Variants in DEF8 observed in about 807,000 individuals in gnomAD.
DEF8 encodes the protein differentially expressed in FDCP 8 homolog.
DEF8 carries 38 observed loss-of-function variants against 59.1 expected under a neutral mutation model. That is an observed-to-expected ratio of 0.64 (90% CI 0.50 to 0.84). DEF8 has a LOEUF of 0.84. Ranked by LOEUF, DEF8 falls within the 40% of genes least tolerant of loss-of-function variation. DEF8 has a pLI of 0.00. For synonymous variants in DEF8, 265 were observed against 250.1 expected (o/e 1.06, Z -0.56); for missense variants, 557 against 615.2 (o/e 0.91, Z 1.00).
intron 10 of DEF8, chr16:89,963,904 C>T (rs1284775822): frequency 2.7e-5 from 15 of 556,832 alleles, no homozygotes; most frequent in East Asian, 1.6e-4. Flanking sequence ...ATGTGGGAAG[C>T]GTGGGGAGTG....
intron 2 of DEF8, chr16:89,950,278 G>T: frequency 1.0e-6 from 1 of 985,512 alleles, no homozygotes; most frequent in Non-Finnish European, 1.2e-6. Context: ...TGGGCTCCTG[G>T]CTTCACTGAC....
Position 89,955,262 on chromosome 16 carries a change from C to CTG in DEF8, c.221_222dup (p.Gly75TrpfsTer22), listed in dbSNP as rs1567790064. ...CTGTCTGAGGACCACTTCTCCCGCC[C>CTG]TGTGGTAAGGTTTTAGATCTCGGAG... On this transcript the variant is annotated frameshift_variant, in exon 4 of 13. Coordinates refer to ENST00000563594, the MANE Select transcript of DEF8 (RefSeq NM_001242818.2). LOFTEE classifies it high-confidence loss of function. 1 of 1,613,508 alleles carries CTG rather than the reference C, an allele frequency of 6.2e-7. No individual in the cohort carries two copies.
intron 9 of DEF8, 75 bp downstream of exon 9, chr16:89,962,200 T>C: frequency 7.5e-7 from 1 of 1,330,438 alleles, no homozygotes; most frequent in East Asian, 2.5e-5. Context: ...CAGTACCCTC[T>C]TCTCCTCTGG....
At chr16:89,958,674 G>T (rs2033604250) in intron 5 of DEF8, 1 of 343,074 alleles carries the variant, frequency 2.9e-6, no homozygotes, top group African/African-American at 2.1e-5. Flanking sequence ...CTTTTCCATT[G>T]CCCTGCACCT....
At chr16:89,963,212 T>A (rs910333160) in intron 9 of DEF8, 151 bp from the exon 10 acceptor site, 34 of 589,646 alleles carry the variant, frequency 5.8e-5, no homozygotes, top group Non-Finnish European at 8.5e-5. Flanking sequence ...CTGGGAGCTG[T>A]GATTTTGGGT....
At chr16:89,959,501 G>T (rs867795464) in intron 6 of DEF8, 20 of 534,944 alleles carry the variant, frequency 3.7e-5, no homozygotes, top group African/African-American at 2.1e-4. Flanking sequence ...TTTTTGGTTT[G>T]GTTTTGTTTT....
At chr16:89,961,917 G>T in intron 8 of DEF8, 53 bp downstream of exon 8, 1 of 1,600,008 alleles carries the variant, frequency 6.2e-7, no homozygotes, top group Non-Finnish European at 8.5e-7. Flanking sequence ...CAGGAAGGGG[G>T]TTGGGGTGTG....
intron 12 of DEF8, among the ~76,000 whole-genome samples, chr16:89,965,163 C>T (rs1485425307): frequency 6.6e-6 from 1 of 152,002 alleles, no homozygotes; most frequent in African/African-American, 2.4e-5. Flanking sequence ...AAATAATGTA[C>T]ACAAATTAGA....
chr16:89,964,088 C>T (rs1276140097), intron 10 of DEF8, 82 bp from the exon 11 acceptor site: 14 of 1,576,132 alleles, frequency 8.9e-6, no homozygotes, highest in Non-Finnish European at 1.2e-5. Flanking sequence ...GCACCTGGGC[C>T]CTGACCACTG....
rs760345999 is a variant in DEF8 at position 89,955,190 on chromosome 16, C to G, written c.146C>G (p.Pro49Arg). ...TPEEALPELP[P>R]GEPEFRCPER... ...CCAGAGGCCCTGCCTGAGCTGCCCC[C>G]TGGGGAGCCGGAATTCCGCTGCCCT... Residue 49 changes from proline to arginine, a missense_variant, in exon 4 of 13, where the codon CCT becomes CGT. Physicochemically the swap from Pro to Arg is moderately radical, Grantham distance 103 (BLOSUM62 -2). Transcript: ENST00000563594. The G allele has an allele frequency of 1.9e-6, 3 of 1,613,562 alleles. No individual in the cohort carries two copies. Among genetic ancestry groups the G allele is most frequent in the South Asian group, 2.2e-5 (2 of 91,082 alleles).
chr16:89,950,130 G>C (rs529892970), intron 2 of DEF8: 1 of 987,764 alleles, frequency 1.0e-6, no homozygotes, highest in Non-Finnish European at 1.2e-6. Flanking sequence ...CCCTGCCAGC[G>C]TGCCTTCCTT....
At chr16:89,963,704 C>T (rs2034321121) in intron 10 of DEF8, 1 of 537,610 alleles carries the variant, frequency 1.9e-6, no homozygotes, top group South Asian at 2.3e-5. Context: ...GCAGGTTGAC[C>T]ACAAAACACA....
At chr16:89,957,463 G>A in intron 4 of DEF8, 48 bp from the exon 5 acceptor site, 1 of 1,538,324 alleles carries the variant, frequency 6.5e-7, no homozygotes, top group Non-Finnish European at 8.8e-7. Flanking sequence ...TTAACAGGGA[G>A]CTCCTGCAGG....
chr16:89,951,774 A>G (rs1026592241), intron 2 of DEF8, among the ~76,000 whole-genome samples: 1 of 152,112 alleles, frequency 6.6e-6, no homozygotes, highest in Non-Finnish European at 1.5e-5. Flanking sequence ...GGCAGCCCCT[A>G]CCTTTAAGGA....
intron 4 of DEF8, among the ~76,000 whole-genome samples, chr16:89,957,064 A>G (rs2033325378): frequency 6.6e-6 from 1 of 152,182 alleles, no homozygotes; most frequent in Non-Finnish European, 1.5e-5. Context: ...GGCGAAAGCA[A>G]CCAGAAGTGC....
intron 6 of DEF8, among the ~76,000 whole-genome samples, chr16:89,959,866 T>C (rs1035385684): frequency 6.6e-6 from 1 of 152,224 alleles, no homozygotes; most frequent in Non-Finnish European, 1.5e-5. Context: ...TCTGGAGGAA[T>C]GTTCTGGTGG....
intron 12 of DEF8, among the ~76,000 whole-genome samples, chr16:89,965,357 A>G (rs193269892): frequency 1.2e-3 from 177 of 152,266 alleles, no homozygotes; most frequent in African/African-American, 3.5e-3. Context: ...TCCCAGCTCT[A>G]CAGAGCGATG....
At position 89,962,101 on chromosome 16, in the gene DEF8, C is replaced by G. The variant is rs755754640; in HGVS notation, c.897C>G (p.Tyr299Ter). ...AGATCAACCCTCTGCTGTTCAGCTA[C>G]GTGGAGGAGCTGGTGGAGATTCGCG... ...LREINPLLFS[Y>*]VEELVEIRKL... Residue 299 changes from tyrosine (Y) to a stop codon, truncating the protein, a stop_gained, in exon 9 of 13, where the codon TAC becomes TAG. Transcript: ENST00000563594. LOFTEE classifies it high-confidence loss of function. The G allele has an allele frequency of 6.2e-7, 1 of 1,613,802 alleles. No individual in the cohort carries two copies. Among genetic ancestry groups the G allele is most frequent in the Non-Finnish European group, 8.5e-7 (1 of 1,179,908 alleles).
rs754137926 is a variant in DEF8 at position 89,949,424 on chromosome 16, C to G, written c.-100C>G. 1.2e-6 allele frequency: 2 copies of G among 1,605,738 alleles called. No homozygotes were observed. Among genetic ancestry groups the G allele is most frequent in the South Asian group, 2.2e-5 (2 of 90,844 alleles). On this transcript the variant is annotated 5_prime_UTR_variant, in exon 2 of 13. Transcript: ENST00000563594. ...GGTGGCTTCTCCCTGCAGCAGGTGC[C>G]GAACCCACGGCCAGGCTTCCGTGGC...
Sources: gnomAD v4.1 joint callset for allele counts (sites outside exome capture counted in the v4.1 genomes callset) on GRCh38, gnomAD v4.1.1 for gene constraint, MANE v1.5 for transcripts, NCBI Gene and HGNC (gene_info 2026-07-23, HGNC 2026-07-21) for gene names.